The following REPS1 variants were observed in gnomAD, a reference collection of about 807,000 sequenced individuals.
REPS1 encodes the protein RALBP1 associated Eps domain containing 1.
In REPS1, 39 loss-of-function variants were observed where a neutral mutation model predicts 100.9. That is an observed-to-expected ratio of 0.39 (90% CI 0.30 to 0.50). The LOEUF (loss-of-function observed/expected upper bound fraction) is 0.50. REPS1 is among the 20% of genes least tolerant of loss of function. The pLI is 0.86. For synonymous variants in REPS1, 324 were observed against 340.3 expected (o/e 0.95, Z 0.53); for missense variants, 821 against 968.5 (o/e 0.85, Z 2.02).
At chr6:138,907,123 T>C (rs1779702500) in intron 19 of REPS1, among the ~76,000 whole-genome samples, 1 of 152,162 alleles carries the variant, frequency 6.6e-6, no homozygotes. Flanking sequence ...ACTTCTCTTC[T>C]TCTTTAGACC....
intron 1 of REPS1, among the ~76,000 whole-genome samples, chr6:138,969,409 C>T (rs1006720423): frequency 6.6e-6 from 1 of 150,598 alleles, no homozygotes; most frequent in East Asian, 2.0e-4. Context: ...TCTGCCTTAG[C>T]CTCCTGAGCA....
At chr6:138,957,730 G>A (rs1249839241) in intron 1 of REPS1, among the ~76,000 whole-genome samples, 1 of 152,182 alleles carries the variant, frequency 6.6e-6, no homozygotes. Context: ...CAACGGCTAT[G>A]AAGGCAAACT....
chr6:138,943,684 G>A (rs2128473658), intron 6 of REPS1, 108 bp from the exon 7 acceptor site: 1 of 1,003,936 alleles, frequency 1.0e-6, no homozygotes, highest in Admixed American at 2.8e-5. Context: ...TTTTTAATAT[G>A]TGAATATGTC....
chr6:138,963,708 G>C (rs190698565), intron 1 of REPS1, among the ~76,000 whole-genome samples: 58 of 152,274 alleles, frequency 3.8e-4, no homozygotes, highest in African/African-American at 1.3e-3. Flanking sequence ...GTGGCAAAGA[G>C]GATGGACACA....
intron 9 of REPS1, 129 bp from the exon 10 acceptor site, chr6:138,926,610 G>A (rs1179856904): frequency 3.1e-6 from 2 of 643,768 alleles, no homozygotes; most frequent in Non-Finnish European, 5.6e-6. Context: ...ACAAAATTCA[G>A]TAATTTCTAT....
intron 10 of REPS1, 78 bp downstream of exon 10, chr6:138,926,323 T>C: frequency 6.6e-6 from 7 of 1,055,400 alleles, no homozygotes. Context: ...ATCATGCATA[T>C]CAGCTAAAAA....
intron 1 of REPS1, among the ~76,000 whole-genome samples, chr6:138,979,200 A>AAAAAAAAAAAAAAAAAC: frequency 6.9e-6 from 1 of 143,920 alleles, no homozygotes; most frequent in Non-Finnish European, 1.5e-5. Flanking sequence ...AAAAAAAACA[A>AAAAAAAAAAAAAAAAAC]AAAAAAAAAA....
At position 138,920,201 on chromosome 6, in the gene REPS1, A is replaced by G; in HGVS notation, c.1528+14T>C. On this transcript the variant is annotated intron_variant, in intron 12 of 19. Coordinates refer to ENST00000450536, the MANE Select transcript of REPS1 (RefSeq NM_001286611.2). ...TTAGTAAACTTCAAATGGAAGATGT[A>G]ATACTTCACTTACCTACAGTATTAC... is the stretch of plus-strand genomic sequence containing the variant. The G allele has an allele frequency of 7.6e-7, 1 of 1,319,074 alleles. No individual in the cohort carries two copies. Among genetic ancestry groups the G allele is most frequent in the Non-Finnish European group, 1.1e-6 (1 of 911,834 alleles). The allele number at this position is 1,319,074 out of a possible 1,614,324, so 81.7% of individuals were successfully genotyped here.
intron 6 of REPS1, 50 bp downstream of exon 6, chr6:138,943,803 T>C (rs375697516): frequency 6.9e-7 from 1 of 1,456,004 alleles, no homozygotes; most frequent in South Asian, 1.2e-5. Flanking sequence ...TATTATGAAA[T>C]TGAGATTCTC....
In REPS1 at chr6:138,906,206, TCTC is replaced by T. The variant is rs1402350873; in HGVS notation, c.2323-1077_2323-1075del. 3.3e-5 allele frequency among the ~76,000 whole-genome samples: 5 copies of T among 152,348 alleles called. No homozygotes were observed. The East Asian group carries it at 9.6e-4, about 29-fold the overall frequency. On this transcript the variant is annotated intron_variant, in intron 19 of 19. Transcript: ENST00000450536. Reference sequence around the variant, plus strand: ...AATAATCATATAACTACAAATGTCTTCTCCTCTGATCATAGAGTTATACAACAA... The same window carrying T: ...AATAATCATATAACTACAAATGTCTTCTCTGATCATAGAGTTATACAACAA...
At chr6:138,976,889 A>G (rs1172683456) in intron 1 of REPS1, among the ~76,000 whole-genome samples, 2 of 152,260 alleles carry the variant, frequency 1.3e-5, no homozygotes, top group African/African-American at 2.4e-5. Context: ...TCCTCTACAC[A>G]TAAAAATCTA....
chr6:138,955,457 A>AGTGTGTGT (rs1554294151), intron 1 of REPS1, among the ~76,000 whole-genome samples: 1,412 of 90,722 alleles, frequency 0.016, 35 homozygotes, highest in East Asian at 0.12. Context: ...AAAAAAAAAA[A>AGTGTGTGT]GTGTGTGTGT....
intron 9 of REPS1, chr6:138,928,333 G>A (rs192400426): frequency 7.2e-5 from 11 of 152,200 alleles, no homozygotes; most frequent in African/African-American, 2.6e-4. Context: ...TGTCTTATCC[G>A]TAACCACAGG....
chr6:138,932,623 C>G (rs1334340496), intron 8 of REPS1, among the ~76,000 whole-genome samples: 12 of 152,290 alleles, frequency 7.9e-5, no homozygotes, highest in African/African-American at 2.9e-4. Flanking sequence ...AGCATTTCTG[C>G]TGCATATGTA....
intron 18 of REPS1, among the ~76,000 whole-genome samples, chr6:138,908,037 G>T (rs1344643915): frequency 6.6e-6 from 1 of 152,036 alleles, no homozygotes; most frequent in African/African-American, 2.4e-5. Flanking sequence ...ACAAAAACAG[G>T]CCATAGGCTG....
chr6:138,959,411 T>C (rs573690254), intron 1 of REPS1, among the ~76,000 whole-genome samples: 3 of 152,184 alleles, frequency 2.0e-5, no homozygotes, highest in South Asian at 2.1e-4. Flanking sequence ...GCATTGGAAC[T>C]ATACACAATA....
intron 1 of REPS1, among the ~76,000 whole-genome samples, chr6:138,963,586 A>G (rs767192448): frequency 3.3e-5 from 5 of 152,238 alleles, no homozygotes; most frequent in Non-Finnish European, 5.9e-5. Flanking sequence ...TTCTAATAAT[A>G]AACAATGTTT....
chr6:138,916,410 G>A (rs1467883817), intron 13 of REPS1, among the ~76,000 whole-genome samples: 2 of 151,172 alleles, frequency 1.3e-5, no homozygotes, highest in African/African-American at 2.4e-5. Flanking sequence ...TAGTAGAGAC[G>A]GAGTTTCACC....
intron 1 of REPS1, among the ~76,000 whole-genome samples, chr6:138,967,960 G>A (rs1784111455): frequency 6.6e-6 from 1 of 152,180 alleles, no homozygotes; most frequent in Admixed American, 6.5e-5. Context: ...GCTCAGAGCA[G>A]TTAAGTACAG....
Sources: gnomAD v4.1 joint callset for allele counts (sites outside exome capture counted in the v4.1 genomes callset) on GRCh38, gnomAD v4.1.1 for gene constraint, MANE v1.5 for transcripts, NCBI Gene and HGNC (gene_info 2026-07-23, HGNC 2026-07-21) for gene names.